DIP2B: variants seen among roughly 807,000 people sequenced by gnomAD.
DIP2B encodes disco-interacting protein 2 homolog B.
A neutral mutation model predicts 198.0 loss-of-function variants in DIP2B; 76 were observed. The ratio of observed to expected loss-of-function variants is 0.38; its 90% CI spans 0.32 to 0.46. The LOEUF is 0.46. Among genes scored for constraint, DIP2B ranks in the 20% least tolerant of loss-of-function variants. The pLI is 0.99. For missense variants in DIP2B, 1,559 were observed against 1,978.4 expected, an observed-to-expected ratio of 0.79 and a Z score of 4.02; for synonymous variants, 701 against 739.1, an observed-to-expected ratio of 0.95 and a Z score of 0.84.
intron 1 of DIP2B, among the ~76,000 whole-genome samples, chr12:50,571,506 G>A (rs1958613379): frequency 6.8e-6 from 1 of 147,662 alleles, no homozygotes; most frequent in African/African-American, 2.5e-5. Context: ...TTGGCTATAG[G>A]TAGATGGGAA....
At chr12:50,603,516 A>G (rs1593648693) in intron 1 of DIP2B, among the ~76,000 whole-genome samples, 1 of 151,784 alleles carries the variant, frequency 6.6e-6, no homozygotes, top group African/African-American at 2.4e-5. Flanking sequence ...AGGCGGGTGG[A>G]TTGCTTGAGC....
intron 1 of DIP2B, among the ~76,000 whole-genome samples, chr12:50,546,500 C>T (rs1294225672): frequency 2.0e-5 from 3 of 152,152 alleles, no homozygotes; most frequent in Non-Finnish European, 4.4e-5. Context: ...TATTTACCTT[C>T]TGTAAGTGAA....
chr12:50,687,176 C>G (rs1215685498), intron 12 of DIP2B, among the ~76,000 whole-genome samples: 1 of 152,172 alleles, frequency 6.6e-6, no homozygotes, highest in Non-Finnish European at 1.5e-5. Context: ...TAAGCAAATC[C>G]AAGTGCACAG....
chr12:50,625,647 A>G (rs1355461511), intron 1 of DIP2B, among the ~76,000 whole-genome samples: 1 of 152,212 alleles, frequency 6.6e-6, no homozygotes, highest in Non-Finnish European at 1.5e-5. Context: ...AATCGTTGTC[A>G]GCCTTGCTGC....
chr12:50,734,122 T>G lies in DIP2B; in HGVS notation c.3982-13T>G. On this transcript the variant is annotated splice_polypyrimidine_tract_variant and intron_variant, in intron 32 of 37. Coordinates refer to ENST00000301180, the MANE Select transcript of DIP2B (RefSeq NM_173602.3). ...CGAAATTCTAAACAACGCATTGATT[T>G]GTCTTTCTTTAGGGAACCTCAGGGC... 7 of 1,613,946 alleles carry G rather than the reference T, an allele frequency of 4.3e-6. No individual in the cohort carries two copies. Among genetic ancestry groups the G allele is most frequent in the Non-Finnish European group, 5.9e-6 (7 of 1,179,870 alleles).
chr12:50,510,851 G>T (rs1434078490), intron 1 of DIP2B, among the ~76,000 whole-genome samples: 1 of 151,538 alleles, frequency 6.6e-6, no homozygotes, highest in Admixed American at 6.6e-5. Flanking sequence ...CCCTATGTTG[G>T]TCAGGCTGGT....
chr12:50,723,057 T>C (rs1939870426), intron 26 of DIP2B, 145 bp from the exon 27 acceptor site: 1 of 891,966 alleles, frequency 1.1e-6, no homozygotes, highest in South Asian at 2.1e-5. Context: ...TCACTTTCAA[T>C]ATCTTCTGCT....
In DIP2B at chr12:50,686,601, A is replaced by T. The variant is rs575115785; in HGVS notation, c.1470A>T (p.Thr490=). The T allele has an allele frequency of 5.0e-6, 8 of 1,614,164 alleles. No homozygotes were observed. In the Admixed American group the frequency reaches 1.0e-4, roughly 20 times the overall value. Residue 490 remains threonine (T), a synonymous_variant, in exon 12 of 38, where the codon ACA becomes ACT. Transcript: ENST00000301180. ...GGCCCCGGCTCAAATGGGTTGTAAC[A>T]GATTCCAAGTACCTTTCAAAGCCAC... ...KGWPRLKWVV[T]DSKYLSKPPK... is the part of the protein sequence containing the mutation.
chr12:50,716,948 C>CCAATTAACACCCAT (rs1242240173), intron 23 of DIP2B, among the ~76,000 whole-genome samples: 1 of 64,428 alleles, frequency 1.6e-5, no homozygotes, highest in African/African-American at 5.0e-5. Flanking sequence ...CCTAGATTTA[C>CCAATTAACACCCAT]GAATTGTTGC....
rs1223445243 is a variant in DIP2B, at chr12:50,723,188, C to G, written c.3167-14C>G. On this transcript the variant is annotated splice_polypyrimidine_tract_variant and intron_variant, in intron 26 of 37. Transcript: ENST00000301180. ...AGTTCAGTGACTCTCCTGACAGGGT[C>G]CTTTGTCTTGCAGGCATTGAGTTAA... The G allele has an allele frequency of 1.9e-6, 3 of 1,613,816 alleles. No homozygotes were observed. In the South Asian group the frequency reaches 3.3e-5, roughly 18 times the overall value.
At chr12:50,743,626 A>T (rs897751381) in intron 37 of DIP2B, 1 of 152,180 alleles carries the variant, frequency 6.6e-6, no homozygotes, top group Non-Finnish European at 1.5e-5. Flanking sequence ...TTACAAATCA[A>T]TCAAACTATT....
chr12:50,609,140 AT>A (rs554210449), intron 1 of DIP2B, among the ~76,000 whole-genome samples: 13 of 152,354 alleles, frequency 8.5e-5, no homozygotes, highest in East Asian at 3.9e-4. Context: ...CTCAAAAAAA[AT>A]AATAAAAAAA....
chr12:50,716,208 A>G (rs1939711397), intron 23 of DIP2B, among the ~76,000 whole-genome samples: 1 of 152,202 alleles, frequency 6.6e-6, no homozygotes, highest in African/African-American at 2.4e-5. Context: ...TGATATATCT[A>G]TAATTTGTCA....
intron 1 of DIP2B, among the ~76,000 whole-genome samples, chr12:50,616,351 T>C (rs1175184793): frequency 6.6e-6 from 1 of 152,248 alleles, no homozygotes; most frequent in East Asian, 1.9e-4. Context: ...GTTAAAACTA[T>C]AGCTTTTATA....
chr12:50,667,904 T>TA (rs1938783918), intron 4 of DIP2B, among the ~76,000 whole-genome samples: 1 of 152,198 alleles, frequency 6.6e-6, no homozygotes, highest in Non-Finnish European at 1.5e-5. Context: ...TACAGTGTCT[T>TA]TGTTCATGGT....
chr12:50,732,245 C>A, intron 31 of DIP2B, 121 bp from the exon 32 acceptor site: 1 of 1,055,616 alleles, frequency 9.5e-7, no homozygotes, highest in Non-Finnish European at 1.4e-6. Flanking sequence ...TCTCTGTGTG[C>A]CTGAGGTGAG....
chr12:50,607,291 A>G (rs1236294528), intron 1 of DIP2B, among the ~76,000 whole-genome samples: 1 of 152,124 alleles, frequency 6.6e-6, no homozygotes, highest in Non-Finnish European at 1.5e-5. Flanking sequence ...TTACAGATAG[A>G]AAAAAACAAG....
chr12:50,532,658 T>A (rs1958228856), intron 1 of DIP2B, among the ~76,000 whole-genome samples: 1 of 151,974 alleles, frequency 6.6e-6, no homozygotes, highest in Non-Finnish European at 1.5e-5. Flanking sequence ...GAAAGGTAGG[T>A]GAGGTGAGGA....
chr12:50,698,973 G>A, intron 18 of DIP2B, 93 bp from the exon 19 acceptor site: 1 of 1,453,364 alleles, frequency 6.9e-7, no homozygotes, highest in East Asian at 2.3e-5. Context: ...ACTCAGTAAA[G>A]GCAGGACTTT....
Sources: allele counts gnomAD v4.1 joint callset (sites outside exome capture counted in the v4.1 genomes callset), GRCh38; gene constraint gnomAD v4.1.1; transcripts MANE v1.5; gene names NCBI Gene and HGNC (gene_info 2026-07-23, HGNC 2026-07-21).